Variants in PDCD6IP observed in about 807,000 individuals in gnomAD.
The protein encoded by PDCD6IP is programmed cell death 6-interacting protein.
PDCD6IP carries 43 observed loss-of-function variants against 103.7 expected under a neutral mutation model. The ratio of observed to expected loss-of-function variants is 0.41; its 90% CI spans 0.32 to 0.53. PDCD6IP has a LOEUF of 0.53. Among genes scored for constraint, PDCD6IP ranks in the 20% least tolerant of loss-of-function variants. PDCD6IP has a pLI of 0.16. For missense variants in PDCD6IP, 871 were observed against 1,036.7 expected, an observed-to-expected ratio of 0.84 and a Z score of 2.20; for synonymous variants, 354 against 378.7, an observed-to-expected ratio of 0.93 and a Z score of 0.76.
chr3:33,852,583 C>T lies in PDCD6IP; in HGVS notation c.1737C>T (p.Asp579=), dbSNP rs1697741605. The T allele has an allele frequency of 6.3e-7, 1 of 1,592,996 alleles. No homozygotes were observed. Among genetic ancestry groups the T allele is most frequent in the Admixed American group, 1.8e-5 (1 of 54,422 alleles). Residue 579 remains aspartate (D), a synonymous_variant, in exon 13 of 18, where the codon GAC becomes GAT. Transcript: ENST00000307296. ...LENDLKSVNF[D]MTSKFLTALA... Reference sequence around the variant, plus strand: ...ATGACTTGAAATCTGTGAATTTTGACATGACAAGCAAGTTTTTGACAGCCC... The same window carrying T: ...ATGACTTGAAATCTGTGAATTTTGATATGACAAGCAAGTTTTTGACAGCCC...
chr3:33,852,122 C>T (rs1190027949), intron 12 of PDCD6IP, among the ~76,000 whole-genome samples: 2 of 152,144 alleles, frequency 1.3e-5, no homozygotes, highest in African/African-American at 4.8e-5. Flanking sequence ...AACCATGTCA[C>T]TTAATTTTTC....
At chr3:33,814,061 T>C (rs962038352) in intron 3 of PDCD6IP, among the ~76,000 whole-genome samples, 1 of 152,054 alleles carries the variant, frequency 6.6e-6, no homozygotes, top group Non-Finnish European at 1.5e-5. Context: ...ACATTTGATC[T>C]ACCAGCTCCA....
chr3:33,813,626 TG>T lies in PDCD6IP; in HGVS notation c.334+1del. ...TCACTTTTTGGAGGCTCTGTAAAACTGGGTATGTAATTTTTAATAAAAGTGA... is the reference window on the plus strand; with the variant it reads ...TCACTTTTTGGAGGCTCTGTAAAACTGGTATGTAATTTTTAATAAAAGTGA... ...KGSLFGGSVK[L>X]ALASLGYEKS... On this transcript the variant is annotated frameshift_variant and splice_region_variant, in exon 3 of 18. Transcript: ENST00000307296. LOFTEE classifies it high-confidence loss of function. 1.9e-6 allele frequency: 3 copies of T among 1,571,732 alleles called. No homozygotes were observed. The highest frequency in any genetic ancestry group is 2.6e-6 in the Non-Finnish European group (3 of 1,142,872).
intron 1 of PDCD6IP, among the ~76,000 whole-genome samples, chr3:33,806,250 A>G (rs2125542610): frequency 6.6e-6 from 1 of 152,312 alleles, no homozygotes; most frequent in East Asian, 1.9e-4. Flanking sequence ...TGTAACTACC[A>G]TTTGTCATAC....
At chr3:33,818,513 C>CTTTTTTTTTT (rs61405380) in intron 3 of PDCD6IP, among the ~76,000 whole-genome samples, 1 of 89,264 alleles carries the variant, frequency 1.1e-5, no homozygotes, top group African/African-American at 4.6e-5. Context: ...TGATCCCTTG[C>CTTTTTTTTTT]TTTTTTTTTT....
intron 17 of PDCD6IP, among the ~76,000 whole-genome samples, chr3:33,865,716 G>A (rs1279184670): frequency 1.3e-5 from 2 of 151,896 alleles, no homozygotes; most frequent in East Asian, 3.8e-4. Context: ...TGGACTTTAG[G>A]TGATAAACAG....
intron 3 of PDCD6IP, among the ~76,000 whole-genome samples, chr3:33,814,927 G>C (rs1696812589): frequency 6.9e-6 from 1 of 144,998 alleles, no homozygotes; most frequent in South Asian, 2.1e-4. Context: ...TTATATATAA[G>C]AAATATGTAT....
intron 3 of PDCD6IP, 140 bp from the exon 4 acceptor site, chr3:33,821,815 A>G: frequency 1.4e-6 from 1 of 713,040 alleles, no homozygotes; most frequent in Non-Finnish European, 2.3e-6. Flanking sequence ...ATGGGAGCAT[A>G]TGACAGCAAG....
At chr3:33,808,759 G>A (rs975797760) in intron 1 of PDCD6IP, among the ~76,000 whole-genome samples, 2 of 152,160 alleles carry the variant, frequency 1.3e-5, no homozygotes, top group Non-Finnish European at 2.9e-5. Flanking sequence ...TCATATTGCT[G>A]TTTTGTCCAA....
rs746299728 is a variant in PDCD6IP at position 33,838,217 on chromosome 3, G to T, written c.1071G>T (p.Lys357Asn). Residue 357 changes from lysine to asparagine, a missense_variant, in exon 9 of 18, where the codon AAG becomes AAT. Physicochemically the swap from Lys to Asn is moderately conservative, Grantham distance 94 (BLOSUM62 0). Transcript: ENST00000307296. ...TCCTAATTTTAGATCTGTTTGAGAAGATGGTTCCCGTGTCAGTACAGCAGT... is the reference window on the plus strand; with the variant it reads ...TCCTAATTTTAGATCTGTTTGAGAATATGGTTCCCGTGTCAGTACAGCAGT... The part of the protein sequence containing the change: ...ISQKFTDLFE[K>N]MVPVSVQQSL... 5 of 1,613,454 alleles carry T rather than the reference G, an allele frequency of 3.1e-6. No homozygotes were observed. The highest frequency in any genetic ancestry group is 4.2e-6 in the Non-Finnish European group (5 of 1,179,750).
chr3:33,865,973 AGTTGTAAATT>A (rs1354218294), intron 17 of PDCD6IP, among the ~76,000 whole-genome samples: 6 of 152,218 alleles, frequency 3.9e-5, no homozygotes, highest in Admixed American at 1.3e-4. Context: ...GAACTTTATA[AGTTGTAAATT>A]TATGTATATC....
chr3:33,813,368 C>T (rs1224704972), intron 2 of PDCD6IP, 191 bp from the exon 3 acceptor site: 5 of 467,766 alleles, frequency 1.1e-5, no homozygotes, highest in Non-Finnish European at 1.9e-5. Flanking sequence ...TTGAAATATC[C>T]CAGTGCCAGT....
intron 3 of PDCD6IP, among the ~76,000 whole-genome samples, chr3:33,818,122 G>A (rs1411619379): frequency 5.3e-5 from 1 of 19,018 alleles, no homozygotes; most frequent in South Asian, 1.3e-3. Context: ...TTTTTTTTTT[G>A]GAGAACAGTC....
At chr3:33,860,051 G>C (rs879575825) in intron 15 of PDCD6IP, among the ~76,000 whole-genome samples, 1 of 152,174 alleles carries the variant, frequency 6.6e-6, no homozygotes, top group African/African-American at 2.4e-5. Flanking sequence ...AAAAGACACA[G>C]AACAGTGTGT....
chr3:33,818,559 G>A (rs1207589232), intron 3 of PDCD6IP, among the ~76,000 whole-genome samples: 2 of 124,210 alleles, frequency 1.6e-5, no homozygotes, highest in Non-Finnish European at 3.2e-5. Context: ...TCACTCTGAC[G>A]CTAGGCTGGA....
chr3:33,838,313 C>T lies in PDCD6IP; in HGVS notation c.1167C>T (p.Thr389=). 6.2e-7 allele frequency: 1 copy of T among 1,612,794 alleles called. No homozygotes were observed. Among genetic ancestry groups the T allele is most frequent in the Non-Finnish European group, 8.5e-7 (1 of 1,179,064 alleles). Residue 389 remains threonine, a synonymous_variant, in exon 9 of 18, where the codon ACC becomes ACT. Coordinates refer to ENST00000307296, the MANE Select transcript of PDCD6IP (RefSeq NM_013374.6). ...CAATTGCTCAGATGAGAGAAGCCACCACTTTGGCAAATGGGTAGGTAGAGC... is the reference window on the plus strand; with the variant it reads ...CAATTGCTCAGATGAGAGAAGCCACTACTTTGGCAAATGGGTAGGTAGAGC... ...NRSIAQMREA[T]TLANGVLASL...
intron 1 of PDCD6IP, among the ~76,000 whole-genome samples, chr3:33,804,466 G>A (rs1696547379): frequency 6.6e-6 from 1 of 152,258 alleles, no homozygotes; most frequent in Non-Finnish European, 1.5e-5. Context: ...AGGAGACAAT[G>A]TGGAGGATAT....
chr3:33,836,245 C>T lies in PDCD6IP; in HGVS notation c.1036C>T (p.Pro346Ser). 5.0e-6 allele frequency: 8 copies of T among 1,603,158 alleles called. No individual in the cohort carries two copies. The highest frequency in any genetic ancestry group is 6.8e-6 in the Non-Finnish European group (8 of 1,170,420). ...TLVKSTPVNV[P>S]ISQKFTDLFE... ...TGTGAAATCTACCCCGGTCAATGTACCCATCAGTCAGAAATTTACTGGTAT... is the reference window on the plus strand; with the variant it reads ...TGTGAAATCTACCCCGGTCAATGTATCCATCAGTCAGAAATTTACTGGTAT... The change falls in exon 8 of 18, where the codon CCC (proline) becomes TCC (serine). Residue 346 changes from proline to serine, a missense_variant. Transcript: ENST00000307296.
intron 11 of PDCD6IP, 103 bp from the exon 12 acceptor site, chr3:33,845,316 G>A: frequency 2.7e-6 from 2 of 732,444 alleles, no homozygotes; most frequent in Admixed American, 2.8e-5. Context: ...CTATAGAAGG[G>A]GAGGATAAGT....
Sources: gnomAD v4.1 joint callset for allele counts (sites outside exome capture counted in the v4.1 genomes callset) on GRCh38, gnomAD v4.1.1 for gene constraint, MANE v1.5 for transcripts, NCBI Gene and HGNC (gene_info 2026-07-23, HGNC 2026-07-21) for gene names.